RBFOX1: variants seen among roughly 807,000 people sequenced by gnomAD.
The protein encoded by RBFOX1 is RNA binding protein fox-1 homolog 1.
In RBFOX1, 8 loss-of-function variants were observed where a neutral mutation model predicts 57.7. The ratio of observed to expected loss-of-function variants is 0.14; its 90% confidence interval spans 0.08 to 0.25. RBFOX1 has a LOEUF of 0.25. RBFOX1 is among the 10% of genes least tolerant of loss of function. The pLI, the probability that RBFOX1 is intolerant of heterozygous loss-of-function variation, is 1.00. For missense variants in RBFOX1, 611 were observed against 548.5 expected (o/e 1.11, Z -1.14); for synonymous variants, 326 against 222.4 (o/e 1.47, Z -4.15).
chr16:6,812,454 A>G (rs1026981694), intron 3 of RBFOX1, among the ~76,000 whole-genome samples: 5 of 151,908 alleles, frequency 3.3e-5, no homozygotes, highest in Non-Finnish European at 7.4e-5. Context: ...GCTCATTGCA[A>G]CCTCCACCTC....
chr16:6,654,711 C>T (rs1015172547), intron 3 of RBFOX1, 61 bp downstream of exon 3: 11 of 1,339,792 alleles, frequency 8.2e-6, no homozygotes, highest in Non-Finnish European at 1.1e-5. Flanking sequence ...TGAATTGAAC[C>T]CAGGTGTTTA....
At chr16:6,584,487 C>T (rs895218467) in intron 2 of RBFOX1, among the ~76,000 whole-genome samples, 1 of 151,774 alleles carries the variant, frequency 6.6e-6, no homozygotes, top group African/African-American at 2.4e-5. Flanking sequence ...CTTGCCTTAG[C>T]CTCCCAAGTT....
intron 3 of RBFOX1, among the ~76,000 whole-genome samples, chr16:5,730,528 G>T (rs1041929307): frequency 6.6e-6 from 1 of 151,900 alleles, no homozygotes; most frequent in African/African-American, 2.4e-5. Flanking sequence ...TTTCTCTTTG[G>T]GATAGAATAA....
chr16:5,417,384 A>C (rs1031034500), intron 1 of RBFOX1, among the ~76,000 whole-genome samples: 3 of 152,220 alleles, frequency 2.0e-5, no homozygotes, highest in Admixed American at 6.5e-5. Flanking sequence ...AACAGGCATG[A>C]TTGACAAAGT....
intron 2 of RBFOX1, among the ~76,000 whole-genome samples, chr16:5,551,671 G>A (rs1433906628): frequency 2.0e-5 from 3 of 152,066 alleles, no homozygotes; most frequent in East Asian, 1.9e-4. Flanking sequence ...TGGGATACAC[G>A]TGCAGGTTTG....
chr16:6,909,143 C>G (rs1277856293), intron 3 of RBFOX1, among the ~76,000 whole-genome samples: 3 of 152,162 alleles, frequency 2.0e-5, no homozygotes, highest in Non-Finnish European at 2.9e-5. Context: ...GGAGTAAAAT[C>G]AAACGTCAAC....
intron 4 of RBFOX1, among the ~76,000 whole-genome samples, chr16:7,101,098 C>T (rs963061106): frequency 6.6e-6 from 1 of 152,188 alleles, no homozygotes; most frequent in South Asian, 2.1e-4. Context: ...AGCTAGTATT[C>T]TCATGCTATG....
chr16:6,020,036 G>A, intron 1 of RBFOX1, 44 bp downstream of exon 1: 3 of 1,439,870 alleles, frequency 2.1e-6, no homozygotes, highest in African/African-American at 1.4e-5. Flanking sequence ...ACCCTGACCT[G>A]GTGGGTCAGG....
intron 1 of RBFOX1, among the ~76,000 whole-genome samples, chr16:6,088,816 G>A (rs1349512815): frequency 6.6e-6 from 1 of 152,114 alleles, no homozygotes; most frequent in Non-Finnish European, 1.5e-5. Context: ...CTATGATCCG[G>A]CCAGGCGCGG....
At chr16:5,829,594 C>T (rs1268743600) in intron 3 of RBFOX1, among the ~76,000 whole-genome samples, 5 of 152,064 alleles carry the variant, frequency 3.3e-5, no homozygotes, top group African/African-American at 1.2e-4. Context: ...CCCCTCCATC[C>T]CCTCCTTTTC....
chr16:6,242,979 A>G (rs62015137), intron 1 of RBFOX1, among the ~76,000 whole-genome samples: 18,762 of 152,188 alleles, frequency 0.12, 1,260 homozygotes, highest in Middle Eastern at 0.25. Context: ...TTTTCTTTCT[A>G]GAGAAAAAGC....
chr16:5,969,464 A>AC (rs1368340414), intron 4 of RBFOX1, among the ~76,000 whole-genome samples: 1 of 145,728 alleles, frequency 6.9e-6, no homozygotes, highest in Admixed American at 6.9e-5. Flanking sequence ...GGCACATGCC[A>AC]TCACGCCTGG....
chr16:6,764,451 A>T (rs1040053121), intron 3 of RBFOX1, among the ~76,000 whole-genome samples: 3 of 151,854 alleles, frequency 2.0e-5, no homozygotes, highest in Non-Finnish European at 4.4e-5. Context: ...GATGAGCACA[A>T]CTCTTTGTCT....
chr16:6,250,993 G>A (rs1048571723), intron 1 of RBFOX1, among the ~76,000 whole-genome samples: 4 of 152,090 alleles, frequency 2.6e-5, no homozygotes, highest in Admixed American at 1.3e-4. Context: ...TTGAGATGGG[G>A]TGGGGAGTGT....
intron 4 of RBFOX1, among the ~76,000 whole-genome samples, chr16:7,426,110 G>A (rs2098608496): frequency 6.6e-6 from 1 of 152,218 alleles, no homozygotes; most frequent in Admixed American, 6.5e-5. Flanking sequence ...AATATACTCA[G>A]GAAAAAGCCA....
chr16:5,837,091 C>G (rs1419202044), intron 3 of RBFOX1, among the ~76,000 whole-genome samples: 1 of 152,120 alleles, frequency 6.6e-6, no homozygotes, highest in African/African-American at 2.4e-5. Context: ...GACACTCATT[C>G]ATAATTCTAG....
intron 2 of RBFOX1, among the ~76,000 whole-genome samples, chr16:5,538,720 G>A (rs1195455279): frequency 6.6e-6 from 1 of 151,224 alleles, no homozygotes; most frequent in Non-Finnish European, 1.5e-5. Context: ...TCGCCTTCCC[G>A]GATTCAAGTG....
intron 11 of RBFOX1, among the ~76,000 whole-genome samples, chr16:7,635,570 G>T (rs117081707): frequency 1.3e-5 from 2 of 152,092 alleles, no homozygotes; most frequent in African/African-American, 4.8e-5. Flanking sequence ...ATGCAATGGT[G>T]GGGGCGGGGG....
chr16:6,579,201 G>T (rs934245869), intron 2 of RBFOX1, among the ~76,000 whole-genome samples: 5 of 151,994 alleles, frequency 3.3e-5, no homozygotes, highest in Non-Finnish European at 7.4e-5. Flanking sequence ...TTTCTTTTTT[G>T]TTATTGTTGT....
Sources: gnomAD v4.1 joint callset for allele counts (sites outside exome capture counted in the v4.1 genomes callset) on GRCh38, gnomAD v4.1.1 for gene constraint, MANE v1.5 for transcripts, NCBI Gene and HGNC (gene_info 2026-07-23, HGNC 2026-07-21) for gene names.